GALNT17: variants seen among roughly 807,000 people sequenced by gnomAD.
The protein encoded by GALNT17 is UDP-GalNAc:polypeptide N-acetylgalactosaminyltransferase-like 3.
A neutral mutation model predicts 63.7 loss-of-function variants in GALNT17; 29 were observed. The ratio of observed to expected loss-of-function variants is 0.46; its 90% confidence interval spans 0.34 to 0.62. The LOEUF is 0.62. Among genes scored for constraint, GALNT17 ranks in the 20% least tolerant of loss-of-function variants. The probability of loss-of-function intolerance (pLI) is 0.01; values close to 1 mark genes in which losing one functional copy is unlikely to be tolerated. For synonymous variants in GALNT17, 305 were observed against 318.3 expected, an observed-to-expected ratio of 0.96 and a Z score of 0.45; for missense variants, 603 against 799.6, an observed-to-expected ratio of 0.75 and a Z score of 2.97.
chr7:71,193,784 T>G (rs1443324334), intron 1 of GALNT17, among the ~76,000 whole-genome samples: 1 of 152,172 alleles, frequency 6.6e-6, no homozygotes, highest in South Asian at 2.1e-4. Context: ...TTTTTGCTTC[T>G]TTTATAAAAG....
At chr7:71,594,299 TA>T (rs1174385214) in intron 6 of GALNT17, among the ~76,000 whole-genome samples, 3 of 152,090 alleles carry the variant, frequency 2.0e-5, no homozygotes, top group African/African-American at 7.2e-5. Context: ...ATTATTTATT[TA>T]TTTTTTTAAG....
chr7:71,560,766 C>G (rs1789243141), intron 5 of GALNT17, among the ~76,000 whole-genome samples: 1 of 152,136 alleles, frequency 6.6e-6, no homozygotes, highest in African/African-American at 2.4e-5. Context: ...TAGGAAGAAA[C>G]AGGCTTCAGG....
chr7:71,649,600 A>G (rs1325520793), intron 6 of GALNT17, among the ~76,000 whole-genome samples: 1 of 147,488 alleles, frequency 6.8e-6, no homozygotes, highest in East Asian at 2.0e-4. Flanking sequence ...ATTCTGCTGG[A>G]ATTCAGGATT....
intron 1 of GALNT17, among the ~76,000 whole-genome samples, chr7:71,304,673 C>G (rs1583845644): frequency 6.6e-6 from 1 of 152,250 alleles, no homozygotes; most frequent in African/African-American, 2.4e-5. Context: ...GCACTTCCCA[C>G]TACAGTGTTT....
At chr7:71,193,506 C>T (rs976873860) in intron 1 of GALNT17, among the ~76,000 whole-genome samples, 35 of 136,498 alleles carry the variant, frequency 2.6e-4, no homozygotes, top group African/African-American at 8.8e-4. Flanking sequence ...GGCTTTGACT[C>T]GGTGGAGGAG....
intron 5 of GALNT17, among the ~76,000 whole-genome samples, chr7:71,437,692 A>G (rs1563092681): frequency 6.6e-6 from 1 of 151,970 alleles, no homozygotes; most frequent in African/African-American, 2.4e-5. Context: ...AGCCTGTTTC[A>G]GTTTTTGTTG....
At chr7:71,577,121 G>A (rs546324125) in intron 6 of GALNT17, among the ~76,000 whole-genome samples, 7 of 152,242 alleles carry the variant, frequency 4.6e-5, no homozygotes, top group South Asian at 4.1e-4. Flanking sequence ...ACAGAAAACC[G>A]AATACCACAT....
chr7:71,233,359 C>T (rs527721113), intron 1 of GALNT17, among the ~76,000 whole-genome samples: 4 of 152,156 alleles, frequency 2.6e-5, no homozygotes, highest in African/African-American at 9.7e-5. Context: ...ATGAGCGCAT[C>T]CTCCATCAGC....
intron 1 of GALNT17, among the ~76,000 whole-genome samples, chr7:71,187,146 G>T (rs932388101): frequency 2.0e-5 from 3 of 152,166 alleles, no homozygotes; most frequent in Non-Finnish European, 4.4e-5. Context: ...TAGAGACAAG[G>T]TGTTGCTCTG....
intron 1 of GALNT17, among the ~76,000 whole-genome samples, chr7:71,211,192 G>A (rs181189931): frequency 6.6e-6 from 1 of 151,706 alleles, no homozygotes; most frequent in Non-Finnish European, 1.5e-5. Flanking sequence ...GAATTTCCAC[G>A]TGTTGTGGGA....
At chr7:71,464,928 G>T (rs1787510976) in intron 5 of GALNT17, among the ~76,000 whole-genome samples, 1 of 152,136 alleles carries the variant, frequency 6.6e-6, no homozygotes, top group Non-Finnish European at 1.5e-5. Flanking sequence ...CAAGGTGTTG[G>T]GGCAAGGAAG....
chr7:71,179,071 T>G (rs1315570267), intron 1 of GALNT17, among the ~76,000 whole-genome samples: 1 of 152,144 alleles, frequency 6.6e-6, no homozygotes, highest in Non-Finnish European at 1.5e-5. Context: ...TTGGGCTAGC[T>G]AATGTGAAAG....
Position 71,713,071 on chromosome 7 carries a change from C to T in GALNT17, c.*925C>T, listed in dbSNP as rs1442982038. The stretch of plus-strand genomic sequence containing the variant: ...TTTCACCCCACGCTCTGCTGGCTGG[C>T]AGAGGAGAAGGCAGTCGTTTCCTCT... On this transcript the variant is annotated 3_prime_UTR_variant, in exon 11 of 11. Coordinates refer to ENST00000333538, the MANE Select transcript of GALNT17 (RefSeq NM_022479.3). 1 of 152,710 alleles carries T rather than the reference C, an allele frequency of 6.5e-6. No homozygotes were observed. Among genetic ancestry groups the T allele is most frequent in the Non-Finnish European group, 1.5e-5 (1 of 68,096 alleles). 9.5% of individuals were successfully genotyped at this position (152,710 alleles called of 1,614,324 possible).
intron 1 of GALNT17, among the ~76,000 whole-genome samples, chr7:71,280,014 A>AT (rs1790751252): frequency 6.6e-6 from 1 of 152,040 alleles, no homozygotes; most frequent in African/African-American, 2.4e-5. Context: ...TTTTCCCAAT[A>AT]TATCTTGGGG....
chr7:71,456,896 A>T (rs146056493), intron 5 of GALNT17, among the ~76,000 whole-genome samples: 1 of 152,296 alleles, frequency 6.6e-6, no homozygotes, highest in Non-Finnish European at 1.5e-5. Flanking sequence ...ATCTATCACT[A>T]TGTGTAAGAC....
intron 1 of GALNT17, among the ~76,000 whole-genome samples, chr7:71,269,176 C>G (rs909425608): frequency 6.6e-6 from 1 of 152,142 alleles, no homozygotes; most frequent in Non-Finnish European, 1.5e-5. Flanking sequence ...GCGTTTAAGC[C>G]TTTTGTGGCC....
chr7:71,702,245 G>A (rs990079227), intron 9 of GALNT17, among the ~76,000 whole-genome samples: 5 of 151,950 alleles, frequency 3.3e-5, no homozygotes, highest in African/African-American at 1.2e-4. Context: ...ATATATCCAT[G>A]TAACAAATAT....
intron 5 of GALNT17, among the ~76,000 whole-genome samples, chr7:71,539,658 C>A (rs1432708807): frequency 6.7e-6 from 1 of 149,024 alleles, no homozygotes; most frequent in Non-Finnish European, 1.5e-5. Flanking sequence ...TCACTAAATG[C>A]ATCAGAGACA....
chr7:71,330,544 CA>C (rs1340064286), intron 1 of GALNT17, among the ~76,000 whole-genome samples: 3 of 152,122 alleles, frequency 2.0e-5, no homozygotes, highest in Non-Finnish European at 4.4e-5. Flanking sequence ...ACTATAGGCA[CA>C]GGCCACCACA....
Sources: gnomAD v4.1 joint callset for allele counts (sites outside exome capture counted in the v4.1 genomes callset) on GRCh38, gnomAD v4.1.1 for gene constraint, MANE v1.5 for transcripts, NCBI Gene and HGNC (gene_info 2026-07-23, HGNC 2026-07-21) for gene names.